SHANK2: variants seen among roughly 807,000 people sequenced by gnomAD.
SHANK2 encodes the protein SH3 and multiple ankyrin repeat domains 2.
A neutral mutation model predicts 133.7 loss-of-function variants in SHANK2; 43 were observed. That is an observed-to-expected ratio of 0.32 (90% CI 0.25 to 0.41). SHANK2 has a LOEUF of 0.41. Among genes scored for constraint, SHANK2 ranks in the 10% least tolerant of loss-of-function variants. The probability of loss-of-function intolerance (pLI) is 1.00; values close to 1 mark genes in which losing one functional copy is unlikely to be tolerated. For synonymous variants in SHANK2, 1,017 were observed against 952.8 expected (o/e 1.07, Z -1.24); for missense variants, 1,994 against 2,235.8 (o/e 0.89, Z 2.18).
intron 2 of SHANK2, among the ~76,000 whole-genome samples, chr11:71,191,078 G>C (rs1555115326): frequency 6.6e-6 from 1 of 152,040 alleles, no homozygotes; most frequent in Admixed American, 6.6e-5. Context: ...GGCTGAGGCA[G>C]GAGGATCACT....
intron 6 of SHANK2, among the ~76,000 whole-genome samples, chr11:71,103,494 CTG>C (rs1471369526): frequency 1.3e-5 from 2 of 152,228 alleles, no homozygotes; most frequent in African/African-American, 4.8e-5. Flanking sequence ...AAAGCCAACT[CTG>C]TGTTTCTCCC....
At chr11:71,079,302 C>T (rs1344381178) in intron 8 of SHANK2, among the ~76,000 whole-genome samples, 5 of 152,230 alleles carry the variant, frequency 3.3e-5, no homozygotes, top group African/African-American at 1.2e-4. Context: ...GATGGAAAGG[C>T]TCCAGGCAGG....
At chr11:70,779,428 C>T (rs1469957471) in intron 14 of SHANK2, among the ~76,000 whole-genome samples, 1 of 152,098 alleles carries the variant, frequency 6.6e-6, no homozygotes, top group Non-Finnish European at 1.5e-5. Context: ...TTTTAGATTA[C>T]AATTGTGCTA....
rs1254197232 is a variant in SHANK2, at chr11:70,547,377, C to T, written c.2062-44446G>A. Among the ~76,000 whole-genome samples the T allele has an allele frequency of 2.0e-5, 3 of 152,220 alleles. No individual in the cohort carries two copies. The East Asian group carries it at 5.8e-4, about 29-fold the overall frequency. On this transcript the variant is annotated intron_variant, in intron 17 of 25. Coordinates refer to ENST00000601538, the MANE Select transcript of SHANK2 (RefSeq NM_012309.5). ...TTGGGTTCAAGCGATTCTCCTGCCT[C>T]TGCCTTCTGAGTAGCTGGGATTACA...
intron 14 of SHANK2, among the ~76,000 whole-genome samples, chr11:70,762,527 G>A (rs782715198): frequency 7.9e-5 from 12 of 152,254 alleles, no homozygotes; most frequent in Admixed American, 1.3e-4. Context: ...CCAAGTGTCC[G>A]GGTGCTTGGA....
intron 2 of SHANK2, among the ~76,000 whole-genome samples, chr11:71,177,948 A>G (rs1304122036): frequency 6.6e-6 from 1 of 152,260 alleles, no homozygotes; most frequent in Admixed American, 6.5e-5. Flanking sequence ...GTGAGTATGT[A>G]GAGAAACTGG....
chr11:70,521,885 C>T (rs138262081), intron 17 of SHANK2, among the ~76,000 whole-genome samples: 183 of 152,350 alleles, frequency 1.2e-3, no homozygotes, highest in Non-Finnish European at 2.0e-3. Context: ...GGCTGTTACG[C>T]GGCACACACT....
chr11:71,076,174 C>G (rs970576144), intron 8 of SHANK2, among the ~76,000 whole-genome samples: 5 of 152,164 alleles, frequency 3.3e-5, no homozygotes, highest in Admixed American at 2.0e-4. Context: ...TCCAGCCACA[C>G]ACTGCTCGAC....
At chr11:70,751,779 T>C (rs1458730194) in intron 14 of SHANK2, among the ~76,000 whole-genome samples, 1 of 152,088 alleles carries the variant, frequency 6.6e-6, no homozygotes, top group African/African-American at 2.4e-5. Context: ...ATGTTCTACT[T>C]GCAGTGGTAA....
intron 6 of SHANK2, among the ~76,000 whole-genome samples, chr11:71,100,414 C>T (rs1399759078): frequency 6.6e-6 from 1 of 152,202 alleles, no homozygotes; most frequent in Non-Finnish European, 1.5e-5. Context: ...CACATGCAGA[C>T]AACAAGATGT....
intron 14 of SHANK2, among the ~76,000 whole-genome samples, chr11:70,770,466 C>T (rs978205607): frequency 2.0e-5 from 3 of 152,204 alleles, no homozygotes; most frequent in Non-Finnish European, 2.9e-5. Context: ...CCCCAGCTGG[C>T]CTGAAAATGC....
chr11:70,645,465 C>T (rs2061247350), intron 17 of SHANK2, among the ~76,000 whole-genome samples: 1 of 152,146 alleles, frequency 6.6e-6, no homozygotes, highest in Admixed American at 6.5e-5. Flanking sequence ...CCACTGTAAT[C>T]AGAAGGCTCA....
intron 2 of SHANK2, among the ~76,000 whole-genome samples, chr11:71,163,091 A>T (rs1286976943): frequency 3.9e-5 from 3 of 76,436 alleles, no homozygotes; most frequent in Non-Finnish European, 8.2e-5. Flanking sequence ...AAAAAAAAAA[A>T]AAATACATAT....
At chr11:70,743,715 C>T (rs1310924881) in intron 14 of SHANK2, among the ~76,000 whole-genome samples, 2 of 152,182 alleles carry the variant, frequency 1.3e-5, no homozygotes, top group African/African-American at 2.4e-5. Flanking sequence ...ATGTCCCCCT[C>T]ACCTTCTCCT....
At chr11:71,144,194 G>A (rs1555106300) in intron 3 of SHANK2, among the ~76,000 whole-genome samples, 1 of 149,642 alleles carries the variant, frequency 6.7e-6, no homozygotes, top group African/African-American at 2.6e-5. Context: ...ACAAGGCTCA[G>A]GAGGTGGGGG....
intron 2 of SHANK2, among the ~76,000 whole-genome samples, chr11:71,169,353 G>A (rs1953259372): frequency 6.6e-6 from 1 of 152,212 alleles, no homozygotes; most frequent in Non-Finnish European, 1.5e-5. Context: ...AGTCTGACTG[G>A]CTTTGCTTAG....
chr11:70,909,207 T>C (rs1950153590), intron 10 of SHANK2, among the ~76,000 whole-genome samples: 2 of 152,174 alleles, frequency 1.3e-5, no homozygotes. Flanking sequence ...AAAGCAACAG[T>C]TCTTTGATGT....
At chr11:70,785,085 G>A (rs1947620152) in intron 14 of SHANK2, among the ~76,000 whole-genome samples, 1 of 152,192 alleles carries the variant, frequency 6.6e-6, no homozygotes, top group South Asian at 2.1e-4. Flanking sequence ...GCAGCTGCTA[G>A]GCCCGTAGGA....
In SHANK2 at chr11:71,226,367, G is replaced by A. The variant is rs535872237; in HGVS notation, c.-112-1571C>T. Among the ~76,000 whole-genome samples, 10 of 152,288 alleles carry A rather than the reference G, an allele frequency of 6.6e-5. No homozygotes were observed. The East Asian group carries it at 1.5e-3, about 24-fold the overall frequency. ...CTTTAAATGTTTGAAATCCCAGAAG[G>A]AGAGAGAAGAGAGGGAGGGTCTGAA... On this transcript the variant is annotated intron_variant, in intron 1 of 25. Coordinates refer to ENST00000601538, the MANE Select transcript of SHANK2 (RefSeq NM_012309.5).
Sources: allele counts gnomAD v4.1 joint callset (sites outside exome capture counted in the v4.1 genomes callset), GRCh38; gene constraint gnomAD v4.1.1; transcripts MANE v1.5; gene names NCBI Gene and HGNC (gene_info 2026-07-23, HGNC 2026-07-21).